The following XRCC1 variants were observed in gnomAD, a reference collection of about 807,000 sequenced individuals.
XRCC1 encodes the protein DNA repair protein XRCC1.
In XRCC1, 52 loss-of-function variants were observed where a neutral mutation model predicts 83.3. The observed-to-expected ratio is 0.62, with a 90% CI of 0.50 to 0.79. The LOEUF (loss-of-function observed/expected upper bound fraction) is 0.79, where lower values mean the gene tolerates loss of function less well. Among genes scored for constraint, XRCC1 ranks in the 30% least tolerant of loss-of-function variants. The probability of loss-of-function intolerance (pLI) is 0.00; values close to 1 mark genes in which losing one functional copy is unlikely to be tolerated. For missense variants in XRCC1, 793 were observed against 823.5 expected (o/e 0.96, Z 0.45); for synonymous variants, 281 against 312.6 (o/e 0.90, Z 1.07).
chr19:43,548,784 A>AAAAGAAAAAAAC (rs752610644), intron 10 of XRCC1, among the ~76,000 whole-genome samples: 2 of 142,102 alleles, frequency 1.4e-5, no homozygotes, highest in East Asian at 4.4e-4. Flanking sequence ...AAAAAAAAAA[A>AAAAGAAAAAAAC]AACACAACAG....
intron 1 of XRCC1, 97 bp from the exon 2 acceptor site, chr19:43,575,099 CG>C (rs1378954988): frequency 3.0e-6 from 3 of 1,001,422 alleles, no homozygotes; most frequent in Non-Finnish European, 4.6e-6. Flanking sequence ...AAGGCCTCTA[CG>C]ACCCCCAGAT....
In XRCC1 at chr19:43,551,600, G is replaced by T. The variant is rs1310549669; in HGVS notation, c.1170C>A (p.His390Gln). The T allele has an allele frequency of 6.2e-7, 1 of 1,614,206 alleles. No individual in the cohort carries two copies. Among genetic ancestry groups the T allele is most frequent in the Non-Finnish European group, 8.5e-7 (1 of 1,180,034 alleles). ...IVRKEWVLDC[H>Q]RMRRRLPSQR... ...GGGAGGGCAGCCGCCGACGCATGCG[G>T]TGACAGTCCAGCACCCACTCCTTAC... Residue 390 changes from histidine to glutamine, a missense_variant, in exon 10 of 17, where the codon CAC becomes CAA. Transcript: ENST00000262887.
chr19:43,560,801 G>A, intron 3 of XRCC1, 109 bp downstream of exon 3: 1 of 867,674 alleles, frequency 1.2e-6, no homozygotes, highest in Non-Finnish European at 1.9e-6. Context: ...GCAATCAGGT[G>A]TGACTCACAT....
chr19:43,554,660 G>C lies in XRCC1; in HGVS notation c.400C>G (p.Gln134Glu). 4 of 1,612,568 alleles carry C rather than the reference G, an allele frequency of 2.5e-6. No individual in the cohort carries two copies. The highest frequency in any genetic ancestry group is 3.4e-6 in the Non-Finnish European group (4 of 1,179,072). Residue 134 changes from glutamine to glutamate, a missense_variant, in exon 4 of 17, where the codon CAG (glutamine) becomes GAG (glutamate). By Grantham distance (29) the Gln-to-Glu change is conservative (BLOSUM62 2). Transcript: ENST00000262887. ...ACCCTAGGTACCTTGCTGTAGGGCT[G>C]GCTGCAAACAATTTTGACCCGGTCC... ...RWDRVKIVCS[Q>E]PYSKDSPFGL...
chr19:43,551,452 C>A, intron 10 of XRCC1, 119 bp downstream of exon 10: 1 of 863,736 alleles, frequency 1.2e-6, no homozygotes, highest in Non-Finnish European at 1.9e-6. Flanking sequence ...CAGTAGTCTG[C>A]TGGCTCTGGG....
chr19:43,554,895 C>T, intron 3 of XRCC1, 91 bp from the exon 4 acceptor site: 1 of 1,416,952 alleles, frequency 7.1e-7, no homozygotes, highest in South Asian at 1.3e-5. Context: ...ACAGGGCCCA[C>T]ACAGGGGACT....
rs1299887024 is a variant in XRCC1 at position 43,545,873 on chromosome 19, G to C, written c.1566C>G (p.Asn522Lys). 1.9e-6 allele frequency: 3 copies of C among 1,613,104 alleles called. No homozygotes were observed. Among genetic ancestry groups the C allele is most frequent in the Non-Finnish European group, 2.5e-6 (3 of 1,179,244 alleles). ...GCTCCTGGTGTTCCTCACTGTCCGT[G>C]TTCTCATCCGTGGAGCCTGCATACG... The part of the protein sequence containing the change: ...EDPYAGSTDE[N>K]TDSEEHQEPP... The change falls in exon 14 of 17, where the codon AAC becomes AAG. Residue 522 changes from asparagine (N) to lysine (K), a missense_variant. Asn to Lys is a moderately conservative substitution (Grantham distance 94). Transcript: ENST00000262887.
chr19:43,572,801 G>A (rs1849702137), intron 2 of XRCC1, among the ~76,000 whole-genome samples: 1 of 152,088 alleles, frequency 6.6e-6, no homozygotes, highest in South Asian at 2.1e-4. Flanking sequence ...ACATCAATTG[G>A]GGTGGACCAG....
rs563173254 is a variant in XRCC1 at position 43,558,644 on chromosome 19, A to G, written c.255+2266T>C. 3.3e-5 allele frequency among the ~76,000 whole-genome samples: 5 copies of G among 151,862 alleles called. No individual in the cohort carries two copies. In the South Asian group the frequency reaches 1.0e-3, roughly 31 times the overall value. ...ACCCCCATCTCAAATAAATAAATAA[A>G]TAAATAAATAAATACATATATACAT... On this transcript the variant is annotated intron_variant, in intron 3 of 16. Coordinates refer to ENST00000262887, the MANE Select transcript of XRCC1 (RefSeq NM_006297.3).
chr19:43,553,193 G>T, intron 6 of XRCC1, 102 bp from the exon 7 acceptor site: 1 of 1,308,104 alleles, frequency 7.6e-7, no homozygotes, highest in Non-Finnish European at 1.1e-6. Context: ...ACCCACCAGT[G>T]ATCCAGGAGT....
In XRCC1 at chr19:43,544,510, CTCTT is replaced by C. The variant is rs1322177616; in HGVS notation, c.1622-280_1622-277del. ...GCTGGAGCCACTTACCTCTCTCTCT[CTCTT>C]TTTTTTTTTTAAGACAAGGACTCAC... On this transcript the variant is annotated intron_variant, in intron 14 of 16. Transcript: ENST00000262887. Among the ~76,000 whole-genome samples, 4 of 151,846 alleles carry C rather than the reference CTCTT, an allele frequency of 2.6e-5. No individual in the cohort carries two copies. In the East Asian group the frequency reaches 7.8e-4, roughly 29 times the overall value.
chr19:43,554,446 A>G (rs1972614309), intron 4 of XRCC1, among the ~76,000 whole-genome samples, 200 bp downstream of exon 4: 1 of 88 alleles, frequency 0.011, no homozygotes, highest in Non-Finnish European at 0.026. Context: ...CACCCTTCCT[A>G]GATTCCTCCG....
intron 8 of XRCC1, 42 bp from the exon 9 acceptor site, chr19:43,552,317 G>A: frequency 2.1e-6 from 3 of 1,453,538 alleles, no homozygotes; most frequent in Non-Finnish European, 2.8e-6. Flanking sequence ...ACCACTGGGG[G>A]TCAACCCCCA....
At chr19:43,560,053 C>T (rs1568516060) in intron 3 of XRCC1, among the ~76,000 whole-genome samples, 1 of 151,776 alleles carries the variant, frequency 6.6e-6, no homozygotes, top group Non-Finnish European at 1.5e-5. Flanking sequence ...TGTACTCCAG[C>T]CTGGGCAACG....
At chr19:43,544,513 T>TC (rs1972489256) in intron 14 of XRCC1, among the ~76,000 whole-genome samples, 2 of 144,324 alleles carry the variant, frequency 1.4e-5, no homozygotes, top group Admixed American at 6.9e-5. Context: ...TCTCTCTCTC[T>TC]TTTTTTTTTT....
Position 43,544,180 on chromosome 19 carries a change from C to T in XRCC1, c.1676G>A (p.Arg559Gln), listed in dbSNP as rs2307167. Residue 559 changes from arginine to glutamine, a missense_variant, in exon 15 of 17, where the codon CGG becomes CAG. By Grantham distance (43) the Arg-to-Gln change is conservative (BLOSUM62 1). Transcript: ENST00000262887. ...TGTGACGTATCGGATGAGTTTCCGC[C>T]GCTCGTCCCCAGGGAACTCCCCGTA... Reference protein sequence around the residue: ...FLYGEFPGDERRKLIRYVTAF... With the variant: ...FLYGEFPGDEQRKLIRYVTAF... 1,561 of 1,610,792 alleles carry T rather than the reference C, an allele frequency of 9.7e-4. 3 individuals are homozygous for T. Among genetic ancestry groups the T allele is most frequent in the Non-Finnish European group, 1.2e-3 (1,400 of 1,178,676 alleles).
chr19:43,557,248 G>A (rs1341673594), intron 3 of XRCC1, among the ~76,000 whole-genome samples: 1 of 141,066 alleles, frequency 7.1e-6, no homozygotes, highest in Non-Finnish European at 1.5e-5. Context: ...GGCGGAGGTT[G>A]CAGTGAGCCA....
At chr19:43,560,839 C>A (rs1972690858) in intron 3 of XRCC1, 71 bp downstream of exon 3, 2 of 1,317,830 alleles carry the variant, frequency 1.5e-6, no homozygotes, top group South Asian at 2.4e-5. Context: ...AGCCCCAGCC[C>A]CTGGGGGAGA....
At chr19:43,547,195 CT>C (rs11315871) in intron 10 of XRCC1, among the ~76,000 whole-genome samples, 101,718 of 148,386 alleles carry the variant, frequency 0.69, 34,903 homozygotes, top group African/African-American at 0.77. Flanking sequence ...TCCCCTCCCT[CT>C]TTTTTTTTTT....
Sources: gnomAD v4.1 joint callset for allele counts (sites outside exome capture counted in the v4.1 genomes callset) on GRCh38, gnomAD v4.1.1 for gene constraint, MANE v1.5 for transcripts, NCBI Gene and HGNC (gene_info 2026-07-23, HGNC 2026-07-21) for gene names.